The following DYNC2H1 variants were observed in gnomAD, a reference collection of about 807,000 sequenced individuals.
The protein encoded by DYNC2H1 is dynein cytoplasmic 2 heavy chain 1.
A neutral mutation model predicts 570.0 loss-of-function variants in DYNC2H1; 410 were observed. The ratio of observed to expected loss-of-function variants is 0.72; its 90% CI spans 0.66 to 0.78. The LOEUF is 0.78. Among genes scored for constraint, DYNC2H1 ranks in the 30% least tolerant of loss-of-function variants. The pLI is 0.00. For missense variants in DYNC2H1, 4,865 were observed against 5,046.4 expected, an observed-to-expected ratio of 0.96 and a Z score of 1.09; for synonymous variants, 1,688 against 1,677.6, an observed-to-expected ratio of 1.01 and a Z score of -0.15.
chr11:103,188,212 G>A (rs1862153024), intron 43 of DYNC2H1, among the ~76,000 whole-genome samples: 1 of 151,730 alleles, frequency 6.6e-6, no homozygotes, highest in African/African-American at 2.4e-5. Context: ...TCATTTTCTA[G>A]GCTAATTGTA....
intron 83 of DYNC2H1, among the ~76,000 whole-genome samples, chr11:103,387,086 A>T (rs1407965005): frequency 6.6e-6 from 1 of 152,132 alleles, no homozygotes; most frequent in African/African-American, 2.4e-5. Context: ...ACTGACTTCC[A>T]CAATGGTTGA....
intron 85 of DYNC2H1, among the ~76,000 whole-genome samples, chr11:103,442,243 A>T (rs1317446555): frequency 6.6e-6 from 1 of 152,114 alleles, no homozygotes; most frequent in Non-Finnish European, 1.5e-5. Context: ...GTGAGAAAAC[A>T]TGAAATTCCT....
At position 103,252,640 on chromosome 11, in the gene DYNC2H1, C is replaced by T. The variant is rs1412611471; in HGVS notation, c.10043-645C>T. On this transcript the variant is annotated intron_variant, in intron 65 of 88. Coordinates refer to ENST00000375735, the MANE Select transcript of DYNC2H1 (RefSeq NM_001377.3). This position sits in a 1 kb window ranked among gnomAD's most constrained non-coding sequence, Gnocchi z 4.6. ...ATATAGCTGTTGGCCATATTTGTATCTTCTTTGGAGAAATGTCTATTCAGG... is the reference window on the plus strand; with the variant it reads ...ATATAGCTGTTGGCCATATTTGTATTTTCTTTGGAGAAATGTCTATTCAGG... 2.6e-5 allele frequency among the ~76,000 whole-genome samples: 4 copies of T among 152,072 alleles called. No homozygotes were observed.
chr11:103,135,571 A>G lies in DYNC2H1; in HGVS notation c.2282A>G (p.Tyr761Cys). Residue 761 changes from tyrosine (Y) to cysteine (C), a missense_variant, in exon 16 of 89, where the codon TAC becomes TGC. Transcript: ENST00000375735. ...CTGTACAAAGCTCTGGAGCATCAGTACCAGATGGGCTTAGAAGCACTTAAT... is the reference window on the plus strand; with the variant it reads ...CTGTACAAAGCTCTGGAGCATCAGTGCCAGATGGGCTTAGAAGCACTTAAT... ...HQLYKALEHQYQMGLEALNEN... is the reference protein window; with the variant it reads ...HQLYKALEHQCQMGLEALNEN... 1 of 1,613,302 alleles carries G rather than the reference A, an allele frequency of 6.2e-7. No individual in the cohort carries two copies. The highest frequency in any genetic ancestry group is 1.1e-5 in the South Asian group (1 of 90,874).
intron 20 of DYNC2H1, 95 bp downstream of exon 20, chr11:103,148,712 A>G: frequency 7.1e-7 from 1 of 1,414,536 alleles, no homozygotes; most frequent in Admixed American, 2.3e-5. Context: ...CAAATATATA[A>G]TCTCAACATT....
intron 54 of DYNC2H1, 53 bp from the exon 55 acceptor site, chr11:103,215,668 G>GTA: frequency 6.7e-6 from 9 of 1,340,320 alleles, no homozygotes; most frequent in Non-Finnish European, 8.6e-6. Flanking sequence ...TATTTACTGT[G>GTA]TGTGTAAAAT....
At chr11:103,455,003 G>C in intron 85 of DYNC2H1, 183 bp from the exon 86 acceptor site, 1 of 507,870 alleles carries the variant, frequency 2.0e-6, no homozygotes, top group Non-Finnish European at 3.5e-6. Context: ...AAGATGGATG[G>C]ATATTATGCC....
At chr11:103,217,085 T>C (rs1863414695) in intron 55 of DYNC2H1, among the ~76,000 whole-genome samples, 1 of 152,164 alleles carries the variant, frequency 6.6e-6, no homozygotes, top group African/African-American at 2.4e-5. Flanking sequence ...AACTGTTACC[T>C]TGTCAACTAG....
At chr11:103,417,315 A>C (rs568909801) in intron 84 of DYNC2H1, among the ~76,000 whole-genome samples, 7 of 151,766 alleles carry the variant, frequency 4.6e-5, no homozygotes, top group African/African-American at 1.7e-4. Flanking sequence ...GTTGGTCAGG[A>C]TGGTCTCGAT....
At chr11:103,384,284 C>G (rs78027273) in intron 83 of DYNC2H1, among the ~76,000 whole-genome samples, 2,419 of 152,022 alleles carry the variant, frequency 0.016, 68 homozygotes, top group African/African-American at 0.055. Context: ...TTCCCTTTAG[C>G]GCTTATGTTT....
rs553407458 is a variant in DYNC2H1 at position 103,135,094 on chromosome 11, G to A, written c.2206-401G>A. ...TTAAATCTCATATGTTTTAAAATAC[G>A]TAGTAGATTTACATTATGTAAGAAG... On this transcript the variant is annotated intron_variant, in intron 15 of 88. Transcript: ENST00000375735. Among the ~76,000 whole-genome samples, 49 of 152,048 alleles carry A rather than the reference G, an allele frequency of 3.2e-4. No homozygotes were observed. In the Middle Eastern group the frequency reaches 0.014, roughly 42 times the overall value.
chr11:103,463,837 T>C (rs554208285), intron 87 of DYNC2H1, among the ~76,000 whole-genome samples: 1 of 152,304 alleles, frequency 6.6e-6, no homozygotes, highest in South Asian at 2.1e-4. Flanking sequence ...TTAAGAAAGC[T>C]GAAAGACAAA....
intron 75 of DYNC2H1, among the ~76,000 whole-genome samples, chr11:103,292,296 A>T (rs575590441): frequency 6.6e-6 from 1 of 152,172 alleles, no homozygotes; most frequent in African/African-American, 2.4e-5. Flanking sequence ...GCTTGAAGAA[A>T]ACATAACCAG....
At chr11:103,219,798 C>G (rs1863518731) in intron 55 of DYNC2H1, 117 bp from the exon 56 acceptor site, 4 of 602,218 alleles carry the variant, frequency 6.6e-6, no homozygotes, top group Non-Finnish European at 8.3e-6. Context: ...AGATTCAAAA[C>G]TAGTATTAGG....
At chr11:103,368,235 C>G (rs940391086) in intron 83 of DYNC2H1, among the ~76,000 whole-genome samples, 1 of 152,108 alleles carries the variant, frequency 6.6e-6, no homozygotes, top group Non-Finnish European at 1.5e-5. Flanking sequence ...TGTAAGTGTT[C>G]CCTTTTCTCA....
rs1226291492 is a variant in DYNC2H1, at chr11:103,363,178, C to T, written c.12156+4819C>T. ...ATACTACAGTTCCAAGAAACTTTTC[C>T]AACCTGTTTTTCTTAACACATCAGA... On this transcript the variant is annotated intron_variant, in intron 83 of 88. Transcript: ENST00000375735. The surrounding 1 kb of genome is among the most constrained non-coding windows in gnomAD (Gnocchi z 5.6). Among the ~76,000 whole-genome samples, 7 of 151,962 alleles carry T rather than the reference C, an allele frequency of 4.6e-5. No homozygotes were observed. The highest frequency in any genetic ancestry group is 1.2e-4 in the African/African-American group (5 of 41,362).
intron 82 of DYNC2H1, among the ~76,000 whole-genome samples, chr11:103,339,351 G>A (rs1939322575): frequency 6.6e-6 from 1 of 152,192 alleles, no homozygotes; most frequent in Non-Finnish European, 1.5e-5. Flanking sequence ...GGCTGCTGCT[G>A]ATGTTTATTC....
chr11:103,440,490 T>G (rs1944228712), intron 85 of DYNC2H1, among the ~76,000 whole-genome samples: 6 of 152,312 alleles, frequency 3.9e-5, no homozygotes, highest in Middle Eastern at 3.4e-3. Flanking sequence ...CTGCCACCCT[T>G]CATTCTTATG....
In DYNC2H1 at chr11:103,321,238, G is replaced by A; in HGVS notation, c.11934+1G>A. The A allele has an allele frequency of 4.4e-6, 7 of 1,601,684 alleles. No individual in the cohort carries two copies. Among genetic ancestry groups the A allele is most frequent in the Non-Finnish European group, 5.1e-6 (6 of 1,172,912 alleles). On this transcript the variant is annotated splice_donor_variant, in intron 81 of 88. Coordinates refer to ENST00000375735, the MANE Select transcript of DYNC2H1 (RefSeq NM_001377.3). LOFTEE classifies it high-confidence loss of function. ...TCTACCACAATCCTGCAGCATTTTG[G>A]TAGGTAAAATGAATGATTTTCAATC...
Sources: allele counts gnomAD v4.1 joint callset (sites outside exome capture counted in the v4.1 genomes callset), GRCh38; gene constraint gnomAD v4.1.1; non-coding constraint Gnocchi (gnomAD v3.1); transcripts MANE v1.5; gene names NCBI Gene and HGNC (gene_info 2026-07-23, HGNC 2026-07-21).